The following CHST8 variants were observed in gnomAD, a reference collection of about 807,000 sequenced individuals.
CHST8 encodes the protein carbohydrate sulfotransferase 8.
A neutral mutation model predicts 15.0 loss-of-function variants in CHST8; 10 were observed. The ratio of observed to expected loss-of-function variants is 0.67; its 90% CI spans 0.41 to 1.13. The LOEUF (loss-of-function observed/expected upper bound fraction) is 1.13, where lower values mean the gene tolerates loss of function less well. CHST8 is among the 50% of genes most tolerant of loss of function. CHST8 has a pLI of 0.00. For missense variants in CHST8, 634 were observed against 608.2 expected (o/e 1.04, Z -0.45); for synonymous variants, 259 against 256.6 (o/e 1.01, Z -0.09).
At chr19:33,710,520 A>T (rs1192463161) in intron 3 of CHST8, among the ~76,000 whole-genome samples, 1 of 152,194 alleles carries the variant, frequency 6.6e-6, no homozygotes, top group African/African-American at 2.4e-5. Flanking sequence ...CATTACTGCT[A>T]TAAATTTTCC....
intron 3 of CHST8, among the ~76,000 whole-genome samples, chr19:33,719,907 G>A (rs957162028): frequency 6.6e-6 from 1 of 152,138 alleles, no homozygotes; most frequent in African/African-American, 2.4e-5. Context: ...AGCTACTGCT[G>A]CAGCCACACA....
At chr19:33,650,832 C>T (rs926153096) in intron 1 of CHST8, among the ~76,000 whole-genome samples, 2 of 152,126 alleles carry the variant, frequency 1.3e-5, no homozygotes, top group Admixed American at 6.5e-5. Flanking sequence ...CCTCAGCCTC[C>T]CAAGTAGCTG....
intron 3 of CHST8, among the ~76,000 whole-genome samples, chr19:33,735,147 T>C (rs575667921): frequency 1.3e-5 from 2 of 152,248 alleles, no homozygotes; most frequent in South Asian, 2.1e-4. Context: ...ACAGCCTGGC[T>C]GGGGAGAGAT....
At chr19:33,766,844 C>G (rs187591746) in intron 3 of CHST8, among the ~76,000 whole-genome samples, 21 of 152,348 alleles carry the variant, frequency 1.4e-4, no homozygotes, top group South Asian at 4.1e-4. Context: ...TGTGGGGCAA[C>G]CTGCCAGCAG....
intron 3 of CHST8, among the ~76,000 whole-genome samples, chr19:33,711,564 C>G (rs568247267): frequency 6.6e-6 from 1 of 152,250 alleles, no homozygotes; most frequent in South Asian, 2.1e-4. Flanking sequence ...GAAGAAAATG[C>G]AACCAGAAAG....
intron 3 of CHST8, among the ~76,000 whole-genome samples, chr19:33,745,900 CACCCTTCACCTCTGGCT>C (rs1217765354): frequency 6.6e-6 from 1 of 152,238 alleles, no homozygotes; most frequent in African/African-American, 2.4e-5. Flanking sequence ...AGCCTCCCTG[CACCCTTCACCTCTGGCT>C]CCCAGCCCCT....
chr19:33,730,775 A>G (rs1170123299), intron 3 of CHST8, among the ~76,000 whole-genome samples: 3 of 152,214 alleles, frequency 2.0e-5, no homozygotes, highest in Non-Finnish European at 4.4e-5. Flanking sequence ...CAAGCTGAGG[A>G]GCAAGGAAGC....
chr19:33,772,481 C>T lies in CHST8; in HGVS notation c.693C>T (p.Ser231=), dbSNP rs1442774348. Residue 231 remains serine, a synonymous_variant, in exon 5 of 5, where the codon AGC becomes AGT. Coordinates refer to ENST00000650847, the MANE Select transcript of CHST8 (RefSeq NM_001127895.2). Reference sequence around the variant, plus strand: ...AGCACAACACCGTCCACTATGGCAGCGCTCTCAAGCGCCTGGACACCTTCG... The same window carrying T: ...AGCACAACACCGTCCACTATGGCAGTGCTCTCAAGCGCCTGGACACCTTCG... ...DIQHNTVHYG[S]ALKRLDTFDR... is the part of the protein sequence containing the mutation. 16 of 1,613,496 alleles carry T rather than the reference C, an allele frequency of 9.9e-6. No individual in the cohort carries two copies. The highest frequency in any genetic ancestry group is 4.5e-5 in the East Asian group (2 of 44,880).
chr19:33,759,603 G>A (rs138077628), intron 3 of CHST8, among the ~76,000 whole-genome samples: 1,559 of 152,222 alleles, frequency 0.01, 8 homozygotes, highest in Admixed American at 0.02. Flanking sequence ...TCTGCCCCCC[G>A]CACCTCTGAC....
chr19:33,697,212 T>C (rs1421124599), intron 3 of CHST8, among the ~76,000 whole-genome samples: 1 of 152,096 alleles, frequency 6.6e-6, no homozygotes, highest in Non-Finnish European at 1.5e-5. Flanking sequence ...TGTTTTTCTC[T>C]TCATTTAATG....
chr19:33,751,443 A>G (rs1974418831), intron 3 of CHST8, among the ~76,000 whole-genome samples: 1 of 152,260 alleles, frequency 6.6e-6, no homozygotes, highest in African/African-American at 2.4e-5. Context: ...GTGAGCAGGC[A>G]TAGGTAAGTC....
At chr19:33,763,441 AC>A in intron 3 of CHST8, among the ~76,000 whole-genome samples, 1 of 152,212 alleles carries the variant, frequency 6.6e-6, no homozygotes, top group South Asian at 2.1e-4. Flanking sequence ...CCACACTCTG[AC>A]CACAGAGCTG....
intron 1 of CHST8, among the ~76,000 whole-genome samples, chr19:33,635,558 TG>T (rs1326501990): frequency 6.6e-6 from 1 of 151,908 alleles, no homozygotes; most frequent in Non-Finnish European, 1.5e-5. Flanking sequence ...TGAGTTATGA[TG>T]GCACCTCCTC....
At chr19:33,719,729 C>T (rs564103266) in intron 3 of CHST8, among the ~76,000 whole-genome samples, 1 of 136,156 alleles carries the variant, frequency 7.3e-6, no homozygotes, top group Non-Finnish European at 1.6e-5. Context: ...GGACCTGGAG[C>T]AATTTACTGT....
At chr19:33,684,211 C>T (rs1200779264) in intron 2 of CHST8, among the ~76,000 whole-genome samples, 3 of 152,212 alleles carry the variant, frequency 2.0e-5, no homozygotes, top group East Asian at 3.9e-4. Context: ...CTGATTCACC[C>T]GGTAATCTCC....
chr19:33,713,241 C>A (rs749802188), intron 3 of CHST8, among the ~76,000 whole-genome samples: 10 of 152,198 alleles, frequency 6.6e-5, no homozygotes, highest in African/African-American at 1.4e-4. Context: ...TTCTCGCTAC[C>A]CACAGCAGTC....
intron 1 of CHST8, among the ~76,000 whole-genome samples, chr19:33,647,823 G>A (rs1972373381): frequency 1.3e-5 from 2 of 151,778 alleles, no homozygotes; most frequent in Non-Finnish European, 1.5e-5. Context: ...TCCAGCCTGG[G>A]CAACAGAGTG....
chr19:33,677,094 A>C (rs565630038), intron 2 of CHST8, among the ~76,000 whole-genome samples: 2 of 152,348 alleles, frequency 1.3e-5, no homozygotes, highest in Non-Finnish European at 2.9e-5. Flanking sequence ...GCCTGTCTTC[A>C]TTCCTCTTTA....
intron 1 of CHST8, among the ~76,000 whole-genome samples, chr19:33,634,732 C>T (rs920931657): frequency 5.5e-5 from 8 of 146,188 alleles, no homozygotes; most frequent in African/African-American, 2.0e-4. Flanking sequence ...GTCATGTCCA[C>T]GGCTGTGTCA....
Sources: gnomAD v4.1 joint callset for allele counts (sites outside exome capture counted in the v4.1 genomes callset) on GRCh38, gnomAD v4.1.1 for gene constraint, MANE v1.5 for transcripts, NCBI Gene and HGNC (gene_info 2026-07-23, HGNC 2026-07-21) for gene names.